Variants in CORO2B observed in about 807,000 individuals in gnomAD.
The protein encoded by CORO2B is coronin 2B.
A neutral mutation model predicts 58.8 loss-of-function variants in CORO2B; 26 were observed. The ratio of observed to expected loss-of-function variants is 0.44; its 90% CI spans 0.32 to 0.61. CORO2B has a LOEUF of 0.61. Among genes scored for constraint, CORO2B ranks in the 20% least tolerant of loss-of-function variants. CORO2B has a pLI of 0.04. For synonymous variants in CORO2B, 242 were observed against 253.8 expected (o/e 0.95, Z 0.44); for missense variants, 460 against 645.1 (o/e 0.71, Z 3.11).
chr15:68,693,578 T>C (rs1892437453), intron 2 of CORO2B, among the ~76,000 whole-genome samples: 1 of 152,222 alleles, frequency 6.6e-6, no homozygotes, highest in South Asian at 2.1e-4. Context: ...GCATAGCTTC[T>C]GCCTATTCCC....
At chr15:68,524,448 C>A in the CORO2B span, among the ~76,000 whole-genome samples, 2 of 152,096 alleles carry the variant, frequency 1.3e-5, no homozygotes, top group African/African-American at 4.8e-5. Context: ...GCACTTTTTG[C>A]TGAGATAAGA....
chr15:68,724,995 T>C (rs1325218607), intron 11 of CORO2B, among the ~76,000 whole-genome samples: 1 of 152,118 alleles, frequency 6.6e-6, no homozygotes, highest in East Asian at 1.9e-4. Context: ...TCCTCATCAG[T>C]AGGGAAAAAG....
At chr15:68,651,457 C>T (rs1178175579) in intron 2 of CORO2B, among the ~76,000 whole-genome samples, 1 of 152,148 alleles carries the variant, frequency 6.6e-6, no homozygotes, top group Non-Finnish European at 1.5e-5. Context: ...CAGTTTTCAC[C>T]CCCTCAGTTT....
the CORO2B span, among the ~76,000 whole-genome samples, chr15:68,573,871 G>A: frequency 2.0e-5 from 3 of 152,194 alleles, no homozygotes; most frequent in South Asian, 6.2e-4. Context: ...GCAGCACAGA[G>A]GCTGTGCAGC....
rs1899658045 is a variant in CORO2B at position 68,589,941 on chromosome 15, G to GC, written c.15+10670dup. 2.0e-5 allele frequency among the ~76,000 whole-genome samples: 3 copies of GC among 152,188 alleles called. No individual in the cohort carries two copies. In the South Asian group the frequency reaches 6.2e-4, roughly 31 times the overall value. On this transcript the variant is annotated intron_variant, in intron 1 of 11. Transcript: ENST00000261861. ...CAGTGCATGCCCTACATGCCTGGCT[G>GC]CCCCCCTGGCCTCCACAGTGGCCCG...
At chr15:68,655,579 C>T (rs761509484) in intron 2 of CORO2B, among the ~76,000 whole-genome samples, 6 of 152,202 alleles carry the variant, frequency 3.9e-5, no homozygotes, top group Non-Finnish European at 8.8e-5. Flanking sequence ...TCCCCAGAAT[C>T]CTTGCCCTCA....
the CORO2B span, among the ~76,000 whole-genome samples, chr15:68,553,918 G>A: frequency 1.3e-5 from 2 of 152,368 alleles, no homozygotes; most frequent in African/African-American, 4.8e-5. Flanking sequence ...TGAAGGTTAT[G>A]AGCAGGGGTG....
the CORO2B span, among the ~76,000 whole-genome samples, chr15:68,537,057 G>A: frequency 6.6e-6 from 1 of 152,186 alleles, no homozygotes; most frequent in Admixed American, 6.5e-5. Context: ...TTTTATTTTG[G>A]ATTTTGTGTC....
the CORO2B span, among the ~76,000 whole-genome samples, chr15:68,542,050 T>C: frequency 3.9e-5 from 6 of 152,218 alleles, no homozygotes; most frequent in Non-Finnish European, 5.9e-5. Flanking sequence ...CATTTGTTTG[T>C]TGCGTCTTAG....
intron 2 of CORO2B, among the ~76,000 whole-genome samples, chr15:68,663,031 A>G (rs1902064519): frequency 6.6e-6 from 1 of 152,172 alleles, no homozygotes; most frequent in South Asian, 2.1e-4. Flanking sequence ...AATTGTCGCT[A>G]AACTCAAAGA....
chr15:68,638,295 C>T (rs922347144), intron 1 of CORO2B, among the ~76,000 whole-genome samples: 6 of 152,084 alleles, frequency 3.9e-5, no homozygotes, highest in African/African-American at 1.4e-4. Flanking sequence ...GACTCCCTCA[C>T]AGGAGAAGGA....
chr15:68,592,450 A>G (rs1029785234), intron 1 of CORO2B, among the ~76,000 whole-genome samples: 8 of 152,078 alleles, frequency 5.3e-5, no homozygotes, highest in Non-Finnish European at 1.5e-5. Flanking sequence ...GTATTAACTG[A>G]GATAGGGTAT....
At chr15:68,648,198 T>C (rs1475756333) in intron 2 of CORO2B, among the ~76,000 whole-genome samples, 5 of 148,796 alleles carry the variant, frequency 3.4e-5, no homozygotes, top group African/African-American at 1.2e-4. Flanking sequence ...CTGGGCATGA[T>C]GGCATGTGCC....
At chr15:68,678,412 A>G (rs4402500) in intron 2 of CORO2B, among the ~76,000 whole-genome samples, 13,116 of 152,156 alleles carry the variant, frequency 0.086, 1,402 homozygotes, top group African/African-American at 0.25. Context: ...GGTGGTTCAC[A>G]CCTGTAATCC....
intron 1 of CORO2B, among the ~76,000 whole-genome samples, chr15:68,586,608 A>G (rs538086330): frequency 6.6e-6 from 1 of 152,172 alleles, no homozygotes; most frequent in South Asian, 2.1e-4. Flanking sequence ...TGCTTTACAG[A>G]TAAGGACACA....
intron 1 of CORO2B, among the ~76,000 whole-genome samples, chr15:68,609,730 G>A (rs1900204006): frequency 6.6e-6 from 1 of 152,224 alleles, no homozygotes; most frequent in South Asian, 2.1e-4. Flanking sequence ...AGGCATGAAA[G>A]CTACTGATGG....
At chr15:68,588,750 C>T (rs906915625) in intron 1 of CORO2B, among the ~76,000 whole-genome samples, 5 of 152,170 alleles carry the variant, frequency 3.3e-5, no homozygotes, top group African/African-American at 1.2e-4. Flanking sequence ...GTTTTATAAT[C>T]TGGAATCTGG....
At chr15:68,653,718 G>T (rs1162661587) in intron 2 of CORO2B, among the ~76,000 whole-genome samples, 5 of 151,738 alleles carry the variant, frequency 3.3e-5, no homozygotes, top group African/African-American at 1.2e-4. Flanking sequence ...AGGAGGAAAG[G>T]TGCCCAGCTC....
intron 1 of CORO2B, among the ~76,000 whole-genome samples, chr15:68,613,112 G>A (rs1900278497): frequency 6.6e-6 from 1 of 152,208 alleles, no homozygotes; most frequent in African/African-American, 2.4e-5. Flanking sequence ...GAAGAGGCAT[G>A]TAATGGAAGC....
Sources: gnomAD v4.1 joint callset for allele counts (sites outside exome capture counted in the v4.1 genomes callset) on GRCh38, gnomAD v4.1.1 for gene constraint, MANE v1.5 for transcripts, NCBI Gene and HGNC (gene_info 2026-07-23, HGNC 2026-07-21) for gene names.